Variants in FAF1 observed in about 807,000 individuals in gnomAD.
FAF1 encodes FAS-associated factor 1.
FAF1 carries 25 observed loss-of-function variants against 92.5 expected under a neutral mutation model. The ratio of observed to expected loss-of-function variants is 0.27; its 90% confidence interval spans 0.20 to 0.38. The LOEUF is 0.38. Among genes scored for constraint, FAF1 ranks in the 10% least tolerant of loss-of-function variants. FAF1 has a pLI of 1.00. For missense variants in FAF1, 636 were observed against 793.3 expected (o/e 0.80, Z 2.38); for synonymous variants, 234 against 273.2 (o/e 0.86, Z 1.42).
At chr1:50,620,993 T>C (rs1653169025) in intron 8 of FAF1, among the ~76,000 whole-genome samples, 1 of 152,234 alleles carries the variant, frequency 6.6e-6, no homozygotes, top group African/African-American at 2.4e-5. Flanking sequence ...AGCAGGGAGA[T>C]ATGCCGCACA....
chr1:50,826,219 A>G (rs116056817), intron 2 of FAF1, among the ~76,000 whole-genome samples: 1,981 of 152,316 alleles, frequency 0.013, 42 homozygotes, highest in African/African-American at 0.044. Context: ...GAAAGCCACA[A>G]ATATTCTCAA....
intron 1 of FAF1, among the ~76,000 whole-genome samples, chr1:50,868,907 C>G (rs1644504543): frequency 6.6e-6 from 1 of 152,106 alleles, no homozygotes; most frequent in Admixed American, 6.6e-5. Flanking sequence ...CTATAAATGT[C>G]AATTAAGTCT....
chr1:50,830,733 T>A (rs1187776669), intron 2 of FAF1, among the ~76,000 whole-genome samples: 1 of 151,996 alleles, frequency 6.6e-6, no homozygotes, highest in African/African-American at 2.4e-5. Context: ...ATTTAAAACT[T>A]TACTGAAGAA....
chr1:50,554,130 T>C (rs1649438398), intron 13 of FAF1, among the ~76,000 whole-genome samples: 1 of 150,300 alleles, frequency 6.7e-6, no homozygotes. Flanking sequence ...TGCAGGACTT[T>C]GCACACTAGA....
At chr1:50,651,279 T>C (rs1363537191) in intron 8 of FAF1, among the ~76,000 whole-genome samples, 1 of 152,220 alleles carries the variant, frequency 6.6e-6, no homozygotes, top group Admixed American at 6.5e-5. Context: ...AATTAACTTC[T>C]TTTTTAAAAA....
intron 2 of FAF1, among the ~76,000 whole-genome samples, chr1:50,828,575 G>A (rs1197423745): frequency 6.6e-6 from 1 of 151,868 alleles, no homozygotes; most frequent in Non-Finnish European, 1.5e-5. Context: ...GGCCAAGAAG[G>A]GTCTTTTCAA....
chr1:50,622,477 C>T lies in FAF1; in HGVS notation c.745-26261G>A, dbSNP rs150907675. ...GCTGACTTGATGATTTGGTCTCTCT[C>T]GGTAGAAGTGGCACTTCCAGGCCGC... On this transcript the variant is annotated intron_variant, in intron 8 of 18. Transcript: ENST00000396153. 6.4e-3 allele frequency among the ~76,000 whole-genome samples: 969 copies of T among 152,280 alleles called. 5 individuals are homozygous for T. The highest frequency in any genetic ancestry group is 0.017 in the Middle Eastern group (5 of 294).
intron 2 of FAF1, among the ~76,000 whole-genome samples, chr1:50,804,965 T>C (rs1182474001): frequency 6.6e-6 from 1 of 152,210 alleles, no homozygotes; most frequent in Non-Finnish European, 1.5e-5. Flanking sequence ...CAATAAGATC[T>C]GGACTGTAGA....
rs548629727 is a variant in FAF1 at position 50,604,697 on chromosome 1, G to A, written c.745-8481C>T. Among the ~76,000 whole-genome samples the A allele has an allele frequency of 2.6e-5, 4 of 152,174 alleles. No homozygotes were observed. In the East Asian group the frequency reaches 7.7e-4, roughly 29 times the overall value. On this transcript the variant is annotated intron_variant, in intron 8 of 18. Transcript: ENST00000396153. Reference sequence around the variant, plus strand: ...TAATTCTTTAATTTTTTGTAGAAATGAGGGTCTCCTTATTTTTTGTAGAGA... The same window carrying A: ...TAATTCTTTAATTTTTTGTAGAAATAAGGGTCTCCTTATTTTTTGTAGAGA...
chr1:50,789,212 T>C (rs1661478164), intron 3 of FAF1, among the ~76,000 whole-genome samples: 1 of 152,240 alleles, frequency 6.6e-6, no homozygotes, highest in Non-Finnish European at 1.5e-5. Flanking sequence ...CTTTCTCTTC[T>C]GGATTCTTTT....
intron 7 of FAF1, among the ~76,000 whole-genome samples, chr1:50,664,515 G>A (rs1346583184): frequency 6.0e-5 from 9 of 149,724 alleles, no homozygotes; most frequent in African/African-American, 2.0e-4. Context: ...AGAAGGCTGG[G>A]GGCGGTGGCT....
chr1:50,771,856 G>A (rs1194122469), intron 4 of FAF1, among the ~76,000 whole-genome samples: 1 of 152,158 alleles, frequency 6.6e-6, no homozygotes, highest in African/African-American at 2.4e-5. Context: ...AGCCAAGATC[G>A]TGCCATTGCA....
intron 2 of FAF1, among the ~76,000 whole-genome samples, chr1:50,822,766 CTTTCTTTCT>C (rs952702007): frequency 2.1e-5 from 3 of 142,192 alleles, no homozygotes; most frequent in African/African-American, 5.5e-5. Context: ...TTCTTTCTTT[CTTTCTTTCT>C]TTTTTTTTTT....
intron 2 of FAF1, among the ~76,000 whole-genome samples, chr1:50,834,132 AC>A (rs1557550225): frequency 6.6e-6 from 1 of 151,638 alleles, no homozygotes; most frequent in Admixed American, 6.6e-5. Context: ...AGGGTGTAGC[AC>A]CCCCGCTTCG....
intron 1 of FAF1, among the ~76,000 whole-genome samples, chr1:50,905,932 T>C (rs957291156): frequency 1.3e-5 from 2 of 152,232 alleles, no homozygotes; most frequent in Non-Finnish European, 2.9e-5. Flanking sequence ...CTTTTGGTGT[T>C]TTAGTCATGA....
chr1:50,733,559 A>G (rs1659017433), intron 6 of FAF1, among the ~76,000 whole-genome samples: 2 of 152,164 alleles, frequency 1.3e-5, no homozygotes, highest in South Asian at 4.1e-4. Flanking sequence ...CTGGGTCCTA[A>G]TCTGATGGGA....
intron 2 of FAF1, among the ~76,000 whole-genome samples, chr1:50,803,323 A>T (rs953561833): frequency 6.6e-6 from 1 of 152,188 alleles, no homozygotes; most frequent in Admixed American, 6.5e-5. Context: ...TCACTGAGGA[A>T]TGCCAAAGTA....
intron 7 of FAF1, among the ~76,000 whole-genome samples, chr1:50,683,758 C>A (rs913310812): frequency 6.6e-6 from 1 of 151,574 alleles, no homozygotes; most frequent in Non-Finnish European, 1.5e-5. Flanking sequence ...CACGGAGAAA[C>A]CCCGTCTCTA....
intron 8 of FAF1, among the ~76,000 whole-genome samples, chr1:50,608,568 G>C (rs559136837): frequency 3.5e-4 from 54 of 152,250 alleles, no homozygotes; most frequent in Admixed American, 6.5e-4. Context: ...TGAGTACAAC[G>C]GATGAGGGGA....
Sources: gnomAD v4.1 joint callset for allele counts (sites outside exome capture counted in the v4.1 genomes callset) on GRCh38, gnomAD v4.1.1 for gene constraint, MANE v1.5 for transcripts, NCBI Gene and HGNC (gene_info 2026-07-23, HGNC 2026-07-21) for gene names.